The following SDK1 variants were observed in gnomAD, a reference collection of about 807,000 sequenced individuals.
The protein encoded by SDK1 is protein sidekick-1.
A neutral mutation model predicts 245.5 loss-of-function variants in SDK1; 157 were observed. The ratio of observed to expected loss-of-function variants is 0.64; its 90% CI spans 0.56 to 0.73. SDK1 has a LOEUF of 0.73. Ranked by LOEUF, SDK1 falls within the 30% of genes least tolerant of loss-of-function variation. The pLI is 0.00. For missense variants in SDK1, 3,583 were observed against 3,002.3 expected, an observed-to-expected ratio of 1.19 and a Z score of -4.52; for synonymous variants, 1,647 against 1,278.5, an observed-to-expected ratio of 1.29 and a Z score of -6.15.
chr7:3,634,213 C>G (rs1782386998), intron 2 of SDK1, among the ~76,000 whole-genome samples: 2 of 152,058 alleles, frequency 1.3e-5, no homozygotes, highest in African/African-American at 4.8e-5. Context: ...GCAGATTCTC[C>G]AAATACAGGG....
chr7:4,214,429 T>C (rs1364188424), intron 38 of SDK1, among the ~76,000 whole-genome samples: 1 of 152,188 alleles, frequency 6.6e-6, no homozygotes, highest in African/African-American at 2.4e-5. Context: ...TCACCAGCCT[T>C]GTCTCTTTTG....
At chr7:3,378,666 G>A (rs1781410646) in intron 1 of SDK1, among the ~76,000 whole-genome samples, 1 of 152,022 alleles carries the variant, frequency 6.6e-6, no homozygotes, top group African/African-American at 2.4e-5. Flanking sequence ...GGTGTTTCTT[G>A]TATTTCTGTT....
At chr7:3,684,738 A>G (rs1352127190) in intron 4 of SDK1, among the ~76,000 whole-genome samples, 1 of 141,462 alleles carries the variant, frequency 7.1e-6, no homozygotes, top group African/African-American at 2.7e-5. Flanking sequence ...TCGGTAAGTA[A>G]TTTTGAATTC....
chr7:4,092,548 T>A (rs1781875332), intron 22 of SDK1, among the ~76,000 whole-genome samples: 1 of 152,170 alleles, frequency 6.6e-6, no homozygotes, highest in Non-Finnish European at 1.5e-5. Context: ...CCTTCTCTGC[T>A]GTAGGGAGAC....
At chr7:3,664,519 A>C (rs1310061002) in intron 4 of SDK1, among the ~76,000 whole-genome samples, 4 of 152,144 alleles carry the variant, frequency 2.6e-5, no homozygotes, top group African/African-American at 4.8e-5. Flanking sequence ...TGGGTGGATC[A>C]CTTGAGGTTA....
intron 17 of SDK1, among the ~76,000 whole-genome samples, chr7:4,044,744 C>T (rs888378986): frequency 2.0e-5 from 3 of 152,172 alleles, no homozygotes; most frequent in African/African-American, 7.2e-5. Context: ...CATGCCCTGC[C>T]TGCAGCATGT....
intron 35 of SDK1, among the ~76,000 whole-genome samples, chr7:4,186,033 G>A (rs1238398359): frequency 6.6e-6 from 1 of 152,296 alleles, no homozygotes; most frequent in Admixed American, 6.5e-5. Context: ...AGAGGTGCCC[G>A]GCCCAGCTCT....
At chr7:3,774,663 C>T (rs894440657) in intron 4 of SDK1, among the ~76,000 whole-genome samples, 2 of 152,272 alleles carry the variant, frequency 1.3e-5, no homozygotes, top group South Asian at 2.1e-4. Flanking sequence ...AATACAGACT[C>T]CTGGTTCTCT....
chr7:4,235,496 A>G (rs1163618538), intron 41 of SDK1, among the ~76,000 whole-genome samples: 1 of 152,138 alleles, frequency 6.6e-6, no homozygotes, highest in Admixed American at 6.5e-5. Flanking sequence ...TAAGATTTAG[A>G]AAAAGCACAG....
In SDK1 at chr7:3,605,145, A is replaced by AACACACATACACAC. The variant is rs1554296729; in HGVS notation, c.299-13928_299-13927insTACACACACACACA. On this transcript the variant is annotated intron_variant, in intron 1 of 44. Coordinates refer to ENST00000404826, the MANE Select transcript of SDK1 (RefSeq NM_152744.4). The stretch of plus-strand genomic sequence containing the variant: ...GCACTTGAGGAAAAAAAAAACAAGA[A>AACACACATACACAC]ACACACACACACACACACACTAGGT... Among the ~76,000 whole-genome samples, 4 of 147,378 alleles carry AACACACATACACAC rather than the reference A, an allele frequency of 2.7e-5. No individual in the cohort carries two copies. In the East Asian group the frequency reaches 7.9e-4, roughly 29 times the overall value.
At chr7:3,683,238 G>C (rs1348863870) in intron 4 of SDK1, among the ~76,000 whole-genome samples, 1 of 152,132 alleles carries the variant, frequency 6.6e-6, no homozygotes, top group African/African-American at 2.4e-5. Context: ...GGTGTTTTCT[G>C]ATGCTTCCCC....
At chr7:3,624,821 G>A (rs1292696502) in intron 2 of SDK1, among the ~76,000 whole-genome samples, 16 of 151,854 alleles carry the variant, frequency 1.1e-4, no homozygotes, top group Non-Finnish European at 1.5e-4. Flanking sequence ...CGAGGGAGGC[G>A]CATCACCTGA....
chr7:4,183,640 C>CAAAA (rs548155248), intron 35 of SDK1, among the ~76,000 whole-genome samples: 2 of 73,142 alleles, frequency 2.7e-5, no homozygotes, highest in Non-Finnish European at 5.9e-5. Context: ...GACTCCGTCT[C>CAAAA]AAAAAAAAAA....
chr7:4,043,789 G>C lies in SDK1; in HGVS notation c.2603-5559G>C, dbSNP rs144632153. Among the ~76,000 whole-genome samples, 489 of 151,836 alleles carry C rather than the reference G, an allele frequency of 3.2e-3. 3 individuals are homozygous for C. The highest frequency in any genetic ancestry group is 0.011 in the African/African-American group (469 of 41,392). ...AGAATTTAACAACATTTGATATTTG[G>C]TATTCTGGCATTCCTGAGTCAGTAA... On this transcript the variant is annotated intron_variant, in intron 17 of 44. Transcript: ENST00000404826.
At chr7:4,205,075 C>T (rs1372803621) in intron 35 of SDK1, among the ~76,000 whole-genome samples, 1 of 152,172 alleles carries the variant, frequency 6.6e-6, no homozygotes, top group African/African-American at 2.4e-5. Context: ...GCCCTGCAGA[C>T]GCAGACAGCA....
intron 4 of SDK1, among the ~76,000 whole-genome samples, chr7:3,710,807 C>T (rs1785027907): frequency 6.6e-6 from 1 of 152,214 alleles, no homozygotes; most frequent in African/African-American, 2.4e-5. Context: ...AGGATGTTTG[C>T]TTTGGCATTT....
At chr7:3,965,626 C>T (rs1178156300) in intron 9 of SDK1, among the ~76,000 whole-genome samples, 1 of 152,096 alleles carries the variant, frequency 6.6e-6, no homozygotes. Context: ...TCTGGGGACA[C>T]GGCTGTGAGG....
At chr7:4,134,267 C>T (rs184152801) in intron 28 of SDK1, among the ~76,000 whole-genome samples, 1 of 152,342 alleles carries the variant, frequency 6.6e-6, no homozygotes, top group East Asian at 1.9e-4. Flanking sequence ...ATTTCTCAAT[C>T]AGGTGACCTT....
intron 1 of SDK1, among the ~76,000 whole-genome samples, chr7:3,414,786 G>A (rs1399578635): frequency 6.6e-6 from 1 of 151,990 alleles, no homozygotes; most frequent in Non-Finnish European, 1.5e-5. Context: ...TAATCTACTT[G>A]CTGTATTCTG....
Sources: gnomAD v4.1 joint callset for allele counts (sites outside exome capture counted in the v4.1 genomes callset) on GRCh38, gnomAD v4.1.1 for gene constraint, MANE v1.5 for transcripts, NCBI Gene and HGNC (gene_info 2026-07-23, HGNC 2026-07-21) for gene names.